RB1CC1: variants seen among roughly 807,000 people sequenced by gnomAD.
RB1CC1 encodes RB1 inducible coiled-coil 1.
A neutral mutation model predicts 177.5 loss-of-function variants in RB1CC1; 46 were observed. The observed-to-expected ratio is 0.26, with a 90% CI of 0.20 to 0.33. The LOEUF (loss-of-function observed/expected upper bound fraction) is 0.33, where lower values mean the gene tolerates loss of function less well. Ranked by LOEUF, RB1CC1 falls within the 10% of genes least tolerant of loss-of-function variation. RB1CC1 has a pLI of 1.00. For missense variants in RB1CC1, 1,703 were observed against 1,816.3 expected, an observed-to-expected ratio of 0.94 and a Z score of 1.13; for synonymous variants, 666 against 613.6, an observed-to-expected ratio of 1.09 and a Z score of -1.26.
rs115589556 is a variant in RB1CC1 at position 52,682,249 on chromosome 8, T to C, written c.369+1300A>G. ...TTGGCTGCCATGCTGGATTTCGAAC[T>C]TGCATGGGACCTGTAACCCCTTTGT... On this transcript the variant is annotated intron_variant, in intron 5 of 23. Coordinates refer to ENST00000025008, the MANE Select transcript of RB1CC1 (RefSeq NM_014781.5). Among the ~76,000 whole-genome samples, 825 of 152,240 alleles carry C rather than the reference T, an allele frequency of 5.4e-3. 7 individuals carry two copies. The highest frequency in any genetic ancestry group is 0.019 in the African/African-American group (793 of 41,542).
At position 52,623,610 on chromosome 8, in the gene RB1CC1, T is replaced by A; in HGVS notation, c.*172A>T. The A allele has an allele frequency of 1.5e-6, 1 of 654,384 alleles. No individual in the cohort carries two copies. The highest frequency in any genetic ancestry group is 2.8e-6 in the Non-Finnish European group (1 of 354,724). 40.5% of individuals were successfully genotyped at this position (654,384 alleles called of 1,614,324 possible). A position where few individuals can be genotyped will look rare whatever the true frequency, so the allele number is the denominator to read the frequency against. On this transcript the variant is annotated 3_prime_UTR_variant, in exon 24 of 24. Coordinates refer to ENST00000025008, the MANE Select transcript of RB1CC1 (RefSeq NM_014781.5). ...AATTCAGCCAAGGATTCTGATGAAT[T>A]TATTATTCCTAAAATGAAGCCAGTT...
chr8:52,688,802 GAT>G (rs1443755681), intron 1 of RB1CC1, among the ~76,000 whole-genome samples: 1 of 152,138 alleles, frequency 6.6e-6, no homozygotes, highest in African/African-American at 2.4e-5. Context: ...CTGTCCTACC[GAT>G]ATGTGATGTC....
In RB1CC1 at chr8:52,657,855, A is replaced by G. The variant is rs1409516072; in HGVS notation, c.1974T>C (p.Ser658=). 6.2e-7 allele frequency: 1 copy of G among 1,614,064 alleles called. No individual in the cohort carries two copies. ...PQSASSPRME[S]TAGITTTTSP... ...AGGTAGTAGTTGTAATTCCTGCTGTACTTTCCATCCTTGGTGAAGAAGCAG... is the reference window on the plus strand; with the variant it reads ...AGGTAGTAGTTGTAATTCCTGCTGTGCTTTCCATCCTTGGTGAAGAAGCAG... Residue 658 remains serine (S), a synonymous_variant, in exon 15 of 24, where the codon AGT becomes AGC. Coordinates refer to ENST00000025008, the MANE Select transcript of RB1CC1 (RefSeq NM_014781.5).
At chr8:52,628,866 A>C (rs1189505860) in intron 21 of RB1CC1, among the ~76,000 whole-genome samples, 1 of 152,208 alleles carries the variant, frequency 6.6e-6, no homozygotes, top group Non-Finnish European at 1.5e-5. Context: ...ATACCTAATA[A>C]ATCATCAAAA....
rs757374910 is a variant in RB1CC1 at position 52,661,726 on chromosome 8, GA to G, written c.1174-8del. On this transcript the variant is annotated splice_polypyrimidine_tract_variant and splice_region_variant and intron_variant, in intron 8 of 23. Coordinates refer to ENST00000025008, the MANE Select transcript of RB1CC1 (RefSeq NM_014781.5). The stretch of plus-strand genomic sequence containing the variant: ...TCTGATTAGCTAAAAATCCCTTTGA[GA>G]AAAAAAATGTTTCAAAGGACATTAA... 29 of 1,526,676 alleles carry G rather than the reference GA, an allele frequency of 1.9e-5. No homozygotes were observed. Among genetic ancestry groups the G allele is most frequent in the South Asian group, 1.0e-4 (8 of 78,186 alleles). 94.6% of individuals were successfully genotyped at this position (1,526,676 alleles called of 1,614,324 possible).
intron 6 of RB1CC1, among the ~76,000 whole-genome samples, chr8:52,674,793 A>T (rs996547439): frequency 6.6e-6 from 1 of 151,936 alleles, no homozygotes; most frequent in Non-Finnish European, 1.5e-5. Flanking sequence ...AAAACACTCT[A>T]AAGTAAAGTA....
intron 22 of RB1CC1, among the ~76,000 whole-genome samples, chr8:52,626,960 C>T (rs1441596669): frequency 1.3e-5 from 2 of 152,152 alleles, no homozygotes; most frequent in African/African-American, 4.8e-5. Context: ...GAGGCTGAGG[C>T]AGGAGGATTG....
At position 52,642,423 on chromosome 8, in the gene RB1CC1, T is replaced by C. The variant is rs1363568434; in HGVS notation, c.4265A>G (p.Asp1422Gly). 1 of 1,614,126 alleles carries C rather than the reference T, an allele frequency of 6.2e-7. No individual in the cohort carries two copies. The highest frequency in any genetic ancestry group is 1.7e-5 in the Admixed American group (1 of 60,024). ...ACAPELPGES[D>G]RSAVETADEG... ...ATCTGCTGTTTCCACAGCGGATCTA[T>C]CTGATTCACCTGGGAGTTCAGGTGC... is the stretch of plus-strand genomic sequence containing the variant. The change falls in exon 18 of 24, where the codon GAT becomes GGT. Residue 1422 changes from aspartate (D) to glycine (G), a missense_variant. Physicochemically the swap from Asp to Gly is moderately conservative, Grantham distance 94. Coordinates refer to ENST00000025008, the MANE Select transcript of RB1CC1 (RefSeq NM_014781.5).
rs760407410 is a variant in RB1CC1 at position 52,683,730 on chromosome 8, T to A, written c.199-11A>T. 17 of 1,565,520 alleles carry A rather than the reference T, an allele frequency of 1.1e-5. No homozygotes were observed. In the South Asian group the frequency reaches 1.4e-4, roughly 13 times the overall value. On this transcript the variant is annotated splice_polypyrimidine_tract_variant and intron_variant, in intron 4 of 23. Coordinates refer to ENST00000025008, the MANE Select transcript of RB1CC1 (RefSeq NM_014781.5). ...AATTGGATTTGTATCCTATATTTTTTAAAAAAGGAGAAATAACCAAAATAA... is the reference window on the plus strand; with the variant it reads ...AATTGGATTTGTATCCTATATTTTTAAAAAAAGGAGAAATAACCAAAATAA...
rs757748116 is a variant in RB1CC1 at position 52,656,371 on chromosome 8, G to A, written c.3458C>T (p.Ala1153Val). The change falls in exon 15 of 24, where the codon GCT (alanine) becomes GTT (valine). Residue 1153 changes from alanine to valine, a missense_variant. Transcript: ENST00000025008. Reference protein sequence around the residue: ...RHEEESNILKAELNKVTSLHN... With the variant: ...RHEEESNILKVELNKVTSLHN... ...CAAAGATGTTACTTTGTTTAATTCA[G>A]CTTTAAGTATATTAGATTCTTCTTC... is the stretch of plus-strand genomic sequence containing the variant. 1.2e-6 allele frequency: 2 copies of A among 1,610,562 alleles called. No homozygotes were observed. The highest frequency in any genetic ancestry group is 2.7e-5 in the African/African-American group (2 of 74,520).
chr8:52,632,111 C>T lies in RB1CC1; in HGVS notation c.4441-1583G>A, dbSNP rs1416996547. The stretch of plus-strand genomic sequence containing the variant: ...TACTTGCTAGCTGATAAGCTATAGC[C>T]ATGGCTTAGCCGGGACTGTTCTCCT... On this transcript the variant is annotated intron_variant, in intron 20 of 23. Coordinates refer to ENST00000025008, the MANE Select transcript of RB1CC1 (RefSeq NM_014781.5). Among the ~76,000 whole-genome samples, 5 of 152,176 alleles carry T rather than the reference C, an allele frequency of 3.3e-5. No homozygotes were observed. In the East Asian group the frequency reaches 9.6e-4, roughly 29 times the overall value.
intron 12 of RB1CC1, 29 bp from the exon 13 acceptor site, chr8:52,659,005 A>C: frequency 7.2e-7 from 1 of 1,385,646 alleles, no homozygotes. Flanking sequence ...TTACTTAAAA[A>C]ATTTTTTTTC....
intron 8 of RB1CC1, among the ~76,000 whole-genome samples, chr8:52,666,103 C>A (rs997579335): frequency 1.3e-5 from 2 of 151,986 alleles, no homozygotes; most frequent in African/African-American, 4.8e-5. Flanking sequence ...ATACCAAAAG[C>A]AAACATAAAT....
At chr8:52,707,067 T>G (rs1012418953) in intron 1 of RB1CC1, among the ~76,000 whole-genome samples, 4 of 152,236 alleles carry the variant, frequency 2.6e-5, no homozygotes, top group African/African-American at 9.6e-5. Flanking sequence ...TGACCTGAAC[T>G]GACTTCACCT....
Position 52,711,705 on chromosome 8 carries a change from T to A in RB1CC1, c.-167+2370A>T, listed in dbSNP as rs117736378. ...ACTTGAATTCATCTGTAGACCTTTG[T>A]GAGTTAGAGCACATTAGTTTCCTTA... On this transcript the variant is annotated intron_variant, in intron 1 of 23. Transcript: ENST00000025008. 4.3e-3 allele frequency among the ~76,000 whole-genome samples: 652 copies of A among 152,368 alleles called. 3 individuals are homozygous for A. Among genetic ancestry groups the A allele is most frequent in the South Asian group, 0.024 (117 of 4,830 alleles).
chr8:52,661,719 CCTTTG>C lies in RB1CC1; in HGVS notation c.1174-5_1174-1del. 6.5e-7 allele frequency: 1 copy of C among 1,536,230 alleles called. No individual in the cohort carries two copies. On this transcript the variant is annotated splice_acceptor_variant and splice_polypyrimidine_tract_variant and intron_variant, in intron 8 of 23. Transcript: ENST00000025008. LOFTEE classifies it high-confidence loss of function. ...GCTCTCTTCTGATTAGCTAAAAATC[CCTTTG>C]AGAAAAAAAATGTTTCAAAGGACAT... is the stretch of plus-strand genomic sequence containing the variant.
intron 9 of RB1CC1, 43 bp downstream of exon 9, chr8:52,661,492 C>T (rs1851624833): frequency 6.6e-7 from 1 of 1,514,916 alleles, no homozygotes; most frequent in Non-Finnish European, 8.9e-7. Flanking sequence ...AATATAAATA[C>T]CAATTCTAAA....
At chr8:52,652,550 T>C (rs1850697601) in intron 15 of RB1CC1, among the ~76,000 whole-genome samples, 1 of 152,152 alleles carries the variant, frequency 6.6e-6, no homozygotes. Flanking sequence ...CCATTAATTT[T>C]TAGTACAGAA....
intron 8 of RB1CC1, among the ~76,000 whole-genome samples, chr8:52,662,359 A>G (rs1386931294): frequency 6.6e-6 from 1 of 152,026 alleles, no homozygotes; most frequent in African/African-American, 2.4e-5. Context: ...TGAACGGTGT[A>G]TCTGTCAAGT....
Sources: allele counts gnomAD v4.1 joint callset (sites outside exome capture counted in the v4.1 genomes callset), GRCh38; gene constraint gnomAD v4.1.1; transcripts MANE v1.5; gene names NCBI Gene and HGNC (gene_info 2026-07-23, HGNC 2026-07-21).